Variants in PRKG1 observed in about 807,000 individuals in gnomAD.
PRKG1 encodes the protein protein kinase cGMP-dependent 1, also known as cGMP-dependent protein kinase 1.
PRKG1 carries 35 observed loss-of-function variants against 88.1 expected under a neutral mutation model. The observed-to-expected ratio is 0.40, with a 90% CI of 0.30 to 0.53. The LOEUF is 0.53. Ranked by LOEUF, PRKG1 falls within the 20% of genes least tolerant of loss-of-function variation. The pLI is 0.59. For synonymous variants in PRKG1, 303 were observed against 292.5 expected (o/e 1.04, Z -0.37); for missense variants, 540 against 839.8 (o/e 0.64, Z 4.41).
At chr10:51,130,407 A>C (rs1324944504) in intron 1 of PRKG1, among the ~76,000 whole-genome samples, 1 of 152,150 alleles carries the variant, frequency 6.6e-6, no homozygotes, top group Non-Finnish European at 1.5e-5. Flanking sequence ...AAACTTCCCT[A>C]GCATGACATA....
intron 5 of PRKG1, among the ~76,000 whole-genome samples, chr10:51,936,172 C>A (rs1842796205): frequency 6.6e-6 from 1 of 151,984 alleles, no homozygotes; most frequent in Non-Finnish European, 1.5e-5. Context: ...TCTGTTCAAT[C>A]TAGTGTGGGC....
chr10:51,697,629 GC>G, intron 3 of PRKG1: 4 of 1,495,484 alleles, frequency 2.7e-6, no homozygotes, highest in Non-Finnish European at 3.7e-6. Flanking sequence ...ACAGAAGTCA[GC>G]TTTTTGCACC....
At chr10:51,036,693 G>C (rs1417755469) in intron 1 of PRKG1, among the ~76,000 whole-genome samples, 1 of 152,106 alleles carries the variant, frequency 6.6e-6, no homozygotes, top group Non-Finnish European at 1.5e-5. Flanking sequence ...AGTAAATGGG[G>C]GCGTGTTTGC....
intron 5 of PRKG1, among the ~76,000 whole-genome samples, chr10:51,975,284 C>G (rs749801578): frequency 6.6e-6 from 1 of 151,950 alleles, no homozygotes; most frequent in South Asian, 2.1e-4. Context: ...TCGTGTAGAC[C>G]AATCTCTTTC....
chr10:51,207,561 G>A (rs909385577), intron 2 of PRKG1, among the ~76,000 whole-genome samples: 1 of 151,808 alleles, frequency 6.6e-6, no homozygotes, highest in Admixed American at 6.6e-5. Context: ...CCATTCCAGA[G>A]ATCTACTGGA....
chr10:51,865,156 T>C (rs1159363998), intron 4 of PRKG1, among the ~76,000 whole-genome samples: 2 of 152,120 alleles, frequency 1.3e-5, no homozygotes, highest in African/African-American at 2.4e-5. Flanking sequence ...AATCTAATCA[T>C]TAAAGATGCG....
rs187950654 is a variant in PRKG1 at position 52,195,804 on chromosome 10, A to T, written c.1076+33841A>T. On this transcript the variant is annotated intron_variant, in intron 9 of 17. Coordinates refer to ENST00000373980, the MANE Select transcript of PRKG1 (RefSeq NM_006258.4). Reference sequence around the variant, plus strand: ...TTGAATTAATTATATTTATGGATTAATTATCCTAATGGAATCATTTAAATC... The same window carrying T: ...TTGAATTAATTATATTTATGGATTATTTATCCTAATGGAATCATTTAAATC... 3.8e-3 allele frequency among the ~76,000 whole-genome samples: 585 copies of T among 152,256 alleles called. 2 individuals are homozygous for T. The highest frequency in any genetic ancestry group is 6.7e-3 in the Non-Finnish European group (459 of 68,004).
chr10:51,064,406 C>T (rs1453106738), intron 1 of PRKG1, among the ~76,000 whole-genome samples: 1 of 152,028 alleles, frequency 6.6e-6, no homozygotes, highest in East Asian at 1.9e-4. Flanking sequence ...GAATCAGAAA[C>T]TTAGATTTCT....
chr10:51,376,676 T>G (rs1842823296), intron 2 of PRKG1, among the ~76,000 whole-genome samples: 1 of 152,130 alleles, frequency 6.6e-6, no homozygotes, highest in African/African-American at 2.4e-5. Context: ...TGTTGTTGTT[T>G]TTTGTTTGTT....
chr10:51,105,486 G>A (rs572313250), intron 1 of PRKG1, among the ~76,000 whole-genome samples: 6 of 152,166 alleles, frequency 3.9e-5, no homozygotes, highest in Non-Finnish European at 7.4e-5. Flanking sequence ...GACAGTGCAC[G>A]AAGGGAGAAA....
Position 52,293,818 on chromosome 10 carries a change from A to G in PRKG1, c.1979A>G (p.Asp660Gly). The G allele has an allele frequency of 6.2e-7, 1 of 1,613,292 alleles. No individual in the cohort carries two copies. The highest frequency in any genetic ancestry group is 8.5e-7 in the Non-Finnish European group (1 of 1,179,372). ...PIIPSVASPT[D>G]TSNFDSFPED... ...TTTTTACAGGTTGCATCACCCACAG[A>G]CACAAGTAATTTTGACAGTTTCCCT... is the stretch of plus-strand genomic sequence containing the variant. The change falls in exon 18 of 18, where the codon GAC becomes GGC. Residue 660 changes from aspartate to glycine, a missense_variant. By Grantham distance (94) the Asp-to-Gly change is moderately conservative (BLOSUM62 -1). Transcript: ENST00000373980.
intron 3 of PRKG1, among the ~76,000 whole-genome samples, chr10:51,514,591 G>A (rs939740960): frequency 2.0e-5 from 3 of 152,208 alleles, no homozygotes; most frequent in Admixed American, 2.0e-4. Flanking sequence ...AAGACTTGAA[G>A]TCAGTCTGAA....
intron 9 of PRKG1, among the ~76,000 whole-genome samples, chr10:52,177,702 T>C (rs1230133268): frequency 6.6e-6 from 1 of 152,104 alleles, no homozygotes; most frequent in East Asian, 1.9e-4. Flanking sequence ...GTTTTTGAAA[T>C]TTTGGGGCTT....
intron 3 of PRKG1, among the ~76,000 whole-genome samples, chr10:51,506,371 C>A (rs1489297579): frequency 6.6e-6 from 1 of 152,034 alleles, no homozygotes; most frequent in Admixed American, 6.6e-5. Context: ...AACAGGCAAC[C>A]TACAGAATGG....
intron 3 of PRKG1, among the ~76,000 whole-genome samples, chr10:51,598,194 G>T (rs368451916): frequency 1.3e-5 from 2 of 151,942 alleles, no homozygotes; most frequent in African/African-American, 4.8e-5. Flanking sequence ...CCATCTACTA[G>T]CATCTAAAGA....
chr10:51,505,485 T>C (rs1841170428), intron 3 of PRKG1, among the ~76,000 whole-genome samples: 1 of 152,210 alleles, frequency 6.6e-6, no homozygotes, highest in African/African-American at 2.4e-5. Context: ...GCTGGCCTCA[T>C]AAAATGAGTT....
chr10:51,361,454 G>C (rs137904475), intron 2 of PRKG1, among the ~76,000 whole-genome samples: 3 of 152,000 alleles, frequency 2.0e-5, no homozygotes, highest in African/African-American at 7.2e-5. Flanking sequence ...AATATTGGCT[G>C]AGAATTGCTC....
At chr10:51,108,707 TC>T (rs1174187049) in intron 1 of PRKG1, among the ~76,000 whole-genome samples, 1 of 152,158 alleles carries the variant, frequency 6.6e-6, no homozygotes, top group Non-Finnish European at 1.5e-5. Context: ...TCCCCTAAGA[TC>T]AGGAGCAAAT....
intron 5 of PRKG1, among the ~76,000 whole-genome samples, chr10:51,923,957 TAGCTGGAC>T (rs1170899873): frequency 1.3e-5 from 2 of 151,930 alleles, no homozygotes; most frequent in African/African-American, 2.4e-5. Context: ...GTCTCTTGAG[TAGCTGGAC>T]CACAGGTGTG....
Sources: allele counts gnomAD v4.1 joint callset (sites outside exome capture counted in the v4.1 genomes callset), GRCh38; gene constraint gnomAD v4.1.1; transcripts MANE v1.5; gene names NCBI Gene and HGNC (gene_info 2026-07-23, HGNC 2026-07-21).